The following MAP2 variants were observed in gnomAD, a reference collection of about 807,000 sequenced individuals.
The protein encoded by MAP2 is microtubule associated protein 2.
A neutral mutation model predicts 137.6 loss-of-function variants in MAP2; 14 were observed. The ratio of observed to expected loss-of-function variants is 0.10; its 90% CI spans 0.07 to 0.16. MAP2 has a LOEUF of 0.16. Among genes scored for constraint, MAP2 ranks in the 10% least tolerant of loss-of-function variants. The pLI is 1.00. For synonymous variants in MAP2, 786 were observed against 782.3 expected (o/e 1.00, Z -0.08); for missense variants, 2,088 against 2,191.5 (o/e 0.95, Z 0.94).
At chr2:209,487,488 T>TGTTA (rs2058534021) in intron 1 of MAP2, among the ~76,000 whole-genome samples, 1 of 152,200 alleles carries the variant, frequency 6.6e-6, no homozygotes. Context: ...AGCACCCCAA[T>TGTTA]GTTAGACACA....
At chr2:209,517,619 A>G (rs1295040585) in intron 2 of MAP2, among the ~76,000 whole-genome samples, 1 of 151,988 alleles carries the variant, frequency 6.6e-6, no homozygotes, top group Non-Finnish European at 1.5e-5. Flanking sequence ...AGTTTTTGAT[A>G]CGTATCTCTT....
chr2:209,706,372 C>A (rs1353218240), intron 12 of MAP2, among the ~76,000 whole-genome samples: 1 of 151,982 alleles, frequency 6.6e-6, no homozygotes, highest in Non-Finnish European at 1.5e-5. Flanking sequence ...TTTTCTGTTG[C>A]AACCAAAATA....
chr2:209,702,872 A>G (rs1337537425), intron 11 of MAP2, among the ~76,000 whole-genome samples: 1 of 152,100 alleles, frequency 6.6e-6, no homozygotes. Context: ...AAAACTTGAG[A>G]TAAAAATCTC....
At chr2:209,627,639 T>C (rs2092521062) in intron 4 of MAP2, among the ~76,000 whole-genome samples, 1 of 152,150 alleles carries the variant, frequency 6.6e-6, no homozygotes, top group South Asian at 2.1e-4. Flanking sequence ...AAACCTAATC[T>C]GTTTGTCACA....
At chr2:209,570,092 A>T (rs1205508911) in intron 2 of MAP2, among the ~76,000 whole-genome samples, 6 of 151,990 alleles carry the variant, frequency 3.9e-5, no homozygotes, top group Admixed American at 2.6e-4. Flanking sequence ...GGAATCTGAA[A>T]TAATTCTGAC....
At chr2:209,578,298 T>A (rs1318478604) in intron 2 of MAP2, among the ~76,000 whole-genome samples, 4 of 152,140 alleles carry the variant, frequency 2.6e-5, no homozygotes, top group Non-Finnish European at 5.9e-5. Context: ...GTTTGAATAT[T>A]TATGAAAGCA....
chr2:209,530,788 A>C (rs963642474), intron 2 of MAP2, among the ~76,000 whole-genome samples: 1 of 152,176 alleles, frequency 6.6e-6, no homozygotes, highest in African/African-American at 2.4e-5. Flanking sequence ...GAGAATTAGA[A>C]TTGATTAATT....
chr2:209,436,234 G>T (rs553278778), intron 1 of MAP2, among the ~76,000 whole-genome samples: 3 of 151,202 alleles, frequency 2.0e-5, no homozygotes, highest in South Asian at 2.1e-4. Context: ...ATTCTTGTTA[G>T]ATATTTATTT....
chr2:209,512,657 A>G (rs916707598), intron 2 of MAP2, among the ~76,000 whole-genome samples: 1 of 151,946 alleles, frequency 6.6e-6, no homozygotes, highest in Admixed American at 6.6e-5. Context: ...TATTTCTTTT[A>G]TAGAGATAGG....
At chr2:209,504,669 C>T (rs1009588180) in intron 1 of MAP2, among the ~76,000 whole-genome samples, 44 of 152,068 alleles carry the variant, frequency 2.9e-4, no homozygotes, top group African/African-American at 9.2e-4. Flanking sequence ...AAACATGTAA[C>T]GTAAAATTTA....
chr2:209,683,071 G>A (rs755656787), intron 7 of MAP2, among the ~76,000 whole-genome samples: 2 of 152,172 alleles, frequency 1.3e-5, no homozygotes, highest in South Asian at 4.1e-4. Context: ...AAGGGAAGAA[G>A]CAGAGTCCTC....
intron 1 of MAP2, among the ~76,000 whole-genome samples, chr2:209,495,674 T>TA (rs1199227838): frequency 6.6e-6 from 1 of 152,216 alleles, no homozygotes; most frequent in Non-Finnish European, 1.5e-5. Context: ...CTCCTAGGAA[T>TA]AAAAATAGTA....
intron 1 of MAP2, among the ~76,000 whole-genome samples, chr2:209,479,939 A>G (rs1708323541): frequency 6.6e-6 from 1 of 152,146 alleles, no homozygotes; most frequent in East Asian, 1.9e-4. Context: ...CTGAGCCTAT[A>G]AATGTGTTTT....
intron 5 of MAP2, among the ~76,000 whole-genome samples, chr2:209,675,599 C>T (rs754110465): frequency 6.6e-6 from 1 of 151,806 alleles, no homozygotes; most frequent in Non-Finnish European, 1.5e-5. Flanking sequence ...TGTATGAATA[C>T]ATCCTTTATG....
At chr2:209,653,947 A>G (rs1394016874) in intron 5 of MAP2, among the ~76,000 whole-genome samples, 1 of 152,228 alleles carries the variant, frequency 6.6e-6, no homozygotes, top group East Asian at 1.9e-4. Context: ...ATGGTCCCAG[A>G]ACTTCATGAA....
chr2:209,462,876 T>C (rs1703167532), intron 1 of MAP2, among the ~76,000 whole-genome samples: 1 of 152,178 alleles, frequency 6.6e-6, no homozygotes, highest in Non-Finnish European at 1.5e-5. Context: ...CCATTGTAAA[T>C]AATCTTATAA....
At chr2:209,578,355 G>A (rs911357278) in intron 2 of MAP2, among the ~76,000 whole-genome samples, 1 of 151,422 alleles carries the variant, frequency 6.6e-6, no homozygotes, top group Non-Finnish European at 1.5e-5. Context: ...GGCTCAAGGA[G>A]AATGCAAATT....
chr2:209,493,400 C>A (rs901952763), intron 1 of MAP2, among the ~76,000 whole-genome samples: 2 of 152,150 alleles, frequency 1.3e-5, no homozygotes, highest in African/African-American at 4.8e-5. Context: ...ACACCAAAAG[C>A]AATGGCAACA....
chr2:209,687,399 A>G (rs2057363276), intron 7 of MAP2, among the ~76,000 whole-genome samples: 1 of 151,992 alleles, frequency 6.6e-6, no homozygotes, highest in Non-Finnish European at 1.5e-5. Flanking sequence ...TTCTATTCCA[A>G]CGTTCCTTGG....
Sources: gnomAD v4.1 joint callset for allele counts (sites outside exome capture counted in the v4.1 genomes callset) on GRCh38, gnomAD v4.1.1 for gene constraint, MANE v1.5 for transcripts, NCBI Gene and HGNC (gene_info 2026-07-23, HGNC 2026-07-21) for gene names.